The following PTPN13 variants were observed in gnomAD, a reference collection of about 807,000 sequenced individuals.
The protein encoded by PTPN13 is protein tyrosine phosphatase non-receptor type 13.
PTPN13 carries 191 observed loss-of-function variants against 284.0 expected under a neutral mutation model. The observed-to-expected ratio is 0.67, with a 90% CI of 0.60 to 0.76. PTPN13 has a LOEUF of 0.76. Among genes scored for constraint, PTPN13 ranks in the 30% least tolerant of loss-of-function variants. The pLI is 0.00. For synonymous variants in PTPN13, 986 were observed against 1,022.3 expected, an observed-to-expected ratio of 0.96 and a Z score of 0.68; for missense variants, 2,797 against 2,939.9, an observed-to-expected ratio of 0.95 and a Z score of 1.12.
rs947982890 is a variant in PTPN13 at position 86,772,978 on chromosome 4, T to C, written c.5349+20T>C. On this transcript the variant is annotated intron_variant, in intron 32 of 47. Coordinates refer to ENST00000411767, the MANE Select transcript of PTPN13 (RefSeq NM_080683.3). ...GAACTGGTAAGTTGTTTTCTCTATA[T>C]TTAAAAAAAAATCCATATTTTTTAA... 6.8e-7 allele frequency: 1 copy of C among 1,476,288 alleles called. No homozygotes were observed. The highest frequency in any genetic ancestry group is 9.1e-7 in the Non-Finnish European group (1 of 1,102,630). The allele number at this position is 1,476,288 out of a possible 1,614,324, so 91.4% of individuals were successfully genotyped here. A position where few individuals can be genotyped will look rare whatever the true frequency, so the allele number is the denominator to read the frequency against.
chr4:86,594,962 G>A (rs957763147), intron 1 of PTPN13, among the ~76,000 whole-genome samples, 173 bp downstream of exon 1: 3 of 152,178 alleles, frequency 2.0e-5, no homozygotes, highest in African/African-American at 7.2e-5. Context: ...GGGTGTTTTT[G>A]TACGTTAGAG....
intron 38 of PTPN13, 23 bp downstream of exon 38, chr4:86,784,581 T>C (rs1741689767): frequency 6.8e-7 from 1 of 1,477,006 alleles, no homozygotes; most frequent in South Asian, 1.2e-5. Context: ...ATCAGTCATC[T>C]AATTACTCTA....
intron 40 of PTPN13, among the ~76,000 whole-genome samples, chr4:86,793,185 C>T (rs573964337): frequency 2.0e-4 from 31 of 151,630 alleles, no homozygotes; most frequent in Non-Finnish European, 4.3e-4. Context: ...CAATGGAAAG[C>T]AAAAAAAGCA....
chr4:86,607,992 G>T (rs1578242407), intron 1 of PTPN13, among the ~76,000 whole-genome samples: 1 of 151,988 alleles, frequency 6.6e-6, no homozygotes, highest in Non-Finnish European at 1.5e-5. Flanking sequence ...GCTTAGAAAA[G>T]AGGAATGATT....
chr4:86,716,977 C>T (rs376673322), intron 8 of PTPN13, 47 bp from the exon 9 acceptor site: 2 of 1,316,948 alleles, frequency 1.5e-6, no homozygotes, highest in Non-Finnish European at 2.2e-6. Flanking sequence ...AAATTACTCT[C>T]ATGTTTCTAT....
chr4:86,764,711 G>T lies in PTPN13; in HGVS notation c.4136G>T (p.Gly1379Val), dbSNP rs779828918. 1 of 1,606,136 alleles carries T rather than the reference G, an allele frequency of 6.2e-7. No individual in the cohort carries two copies. The highest frequency in any genetic ancestry group is 1.1e-5 in the South Asian group (1 of 88,802). The change falls in exon 25 of 48, where the codon GGG becomes GTG. Residue 1379 changes from glycine to valine, a missense_variant. By Grantham distance (109) the Gly-to-Val change is moderately radical. Coordinates refer to ENST00000411767, the MANE Select transcript of PTPN13 (RefSeq NM_080683.3). ...VELAKNDNSL[G>V]ISVTGGVNTS... is the part of the protein sequence containing the mutation. ...CTGGCTAAAAATGATAACAGCTTGGGGATAAGTGTCACGGTACTGTTTGAC... is the reference window on the plus strand; with the variant it reads ...CTGGCTAAAAATGATAACAGCTTGGTGATAAGTGTCACGGTACTGTTTGAC...
chr4:86,759,055 A>G lies in PTPN13; in HGVS notation c.3535A>G (p.Lys1179Glu), dbSNP rs893443984. Reference sequence around the variant, plus strand: ...TGTGACACTTGTTATCTCTCAGCCAAAAGAAAAGATATCCAAAGGTAATGT... The same window carrying G: ...TGTGACACTTGTTATCTCTCAGCCAGAAGAAAAGATATCCAAAGGTAATGT... ...EDVTLVISQP[K>E]EKISKVPSTP... Residue 1179 changes from lysine to glutamate, a missense_variant, in exon 23 of 48, where the codon AAA (lysine) becomes GAA (glutamate). Physicochemically the swap from Lys to Glu is moderately conservative, Grantham distance 56. Coordinates refer to ENST00000411767, the MANE Select transcript of PTPN13 (RefSeq NM_080683.3). 6.8e-6 allele frequency: 11 copies of G among 1,613,140 alleles called. No individual in the cohort carries two copies. Among genetic ancestry groups the G allele is most frequent in the African/African-American group, 1.3e-5 (1 of 74,888 alleles).
At chr4:86,750,924 A>C in intron 18 of PTPN13, 37 bp downstream of exon 18, 1 of 1,587,968 alleles carries the variant, frequency 6.3e-7, no homozygotes, top group East Asian at 2.2e-5. Flanking sequence ...ACATATTTGT[A>C]AATTCTACAT....
At chr4:86,729,518 C>T (rs547014209) in intron 10 of PTPN13, among the ~76,000 whole-genome samples, 1 of 149,572 alleles carries the variant, frequency 6.7e-6, no homozygotes, top group South Asian at 2.1e-4. Flanking sequence ...TTCCGTGTTT[C>T]TTGGAGGCTT....
intron 45 of PTPN13, among the ~76,000 whole-genome samples, chr4:86,808,962 T>C (rs1055836569): frequency 1.3e-5 from 2 of 151,832 alleles, no homozygotes; most frequent in Non-Finnish European, 2.9e-5. Context: ...TGTGAATGAG[T>C]TGAGTGAGCC....
At chr4:86,630,253 G>GA (rs768630869) in intron 1 of PTPN13, among the ~76,000 whole-genome samples, 33 of 152,182 alleles carry the variant, frequency 2.2e-4, no homozygotes, top group East Asian at 2.1e-3. Flanking sequence ...CTGACTGACA[G>GA]AAAAAACCTT....
chr4:86,810,466 A>G (rs947461198), intron 46 of PTPN13, among the ~76,000 whole-genome samples: 14 of 152,316 alleles, frequency 9.2e-5, no homozygotes, highest in East Asian at 5.8e-4. Flanking sequence ...AAAAATTACT[A>G]TAAGAGTATA....
At chr4:86,714,345 C>T (rs1326754079) in intron 7 of PTPN13, among the ~76,000 whole-genome samples, 7 of 152,080 alleles carry the variant, frequency 4.6e-5, no homozygotes, top group Non-Finnish European at 8.8e-5. Flanking sequence ...CTGTTAGTTA[C>T]CTCTTTTAAG....
At chr4:86,732,549 T>C (rs747739817) in intron 11 of PTPN13, 43 bp from the exon 12 acceptor site, 5 of 1,597,610 alleles carry the variant, frequency 3.1e-6, no homozygotes, top group Admixed American at 1.7e-5. Flanking sequence ...AAAATTCTTA[T>C]AATGCTTATT....
intron 40 of PTPN13, among the ~76,000 whole-genome samples, chr4:86,794,377 A>G (rs552144293): frequency 6.7e-4 from 102 of 152,282 alleles, no homozygotes; most frequent in African/African-American, 2.3e-3. Context: ...ACTACAAACC[A>G]CTGCTCAACG....
intron 37 of PTPN13, among the ~76,000 whole-genome samples, chr4:86,783,399 G>C (rs995980802): frequency 1.3e-5 from 2 of 152,054 alleles, no homozygotes; most frequent in African/African-American, 4.8e-5. Flanking sequence ...ACACTGTATA[G>C]TGCTCTTCTT....
At chr4:86,717,264 C>T (rs1461338640) in intron 9 of PTPN13, 147 bp downstream of exon 9, 3 of 581,068 alleles carry the variant, frequency 5.2e-6, no homozygotes, top group East Asian at 5.6e-5. Context: ...TCTCGGCTCA[C>T]TGCAACCTCC....
At chr4:86,653,954 A>C (rs1725428047) in intron 2 of PTPN13, among the ~76,000 whole-genome samples, 1 of 152,206 alleles carries the variant, frequency 6.6e-6, no homozygotes, top group African/African-American at 2.4e-5. Flanking sequence ...TTAACATATC[A>C]AAACTCCAGG....
chr4:86,642,185 C>G (rs1460984808), intron 2 of PTPN13, among the ~76,000 whole-genome samples: 1 of 152,056 alleles, frequency 6.6e-6, no homozygotes, highest in Non-Finnish European at 1.5e-5. Flanking sequence ...TGACACTTGC[C>G]TACCTTTCCT....
Sources: allele counts gnomAD v4.1 joint callset (sites outside exome capture counted in the v4.1 genomes callset), GRCh38; gene constraint gnomAD v4.1.1; transcripts MANE v1.5; gene names NCBI Gene and HGNC (gene_info 2026-07-23, HGNC 2026-07-21).